PXDN: variants seen among roughly 807,000 people sequenced by gnomAD.
The protein encoded by PXDN is peroxidasin.
A neutral mutation model predicts 140.3 loss-of-function variants in PXDN; 77 were observed. The ratio of observed to expected loss-of-function variants is 0.55; its 90% CI spans 0.46 to 0.66. PXDN has a LOEUF of 0.66. Among genes scored for constraint, PXDN ranks in the 30% least tolerant of loss-of-function variants. The pLI is 0.00. For missense variants in PXDN, 1,838 were observed against 2,039.5 expected (o/e 0.90, Z 1.90); for synonymous variants, 911 against 857.4 (o/e 1.06, Z -1.09).
At chr2:1,739,575 C>T (rs184024832) in intron 1 of PXDN, among the ~76,000 whole-genome samples, 182 of 152,296 alleles carry the variant, frequency 1.2e-3, no homozygotes, top group African/African-American at 4.2e-3. Flanking sequence ...CATGTAGTCA[C>T]ATACTAGTTT....
At chr2:1,726,228 C>T (rs1194240659) in intron 1 of PXDN, among the ~76,000 whole-genome samples, 1 of 150,766 alleles carries the variant, frequency 6.6e-6, no homozygotes, top group African/African-American at 2.4e-5. Context: ...CACATATACA[C>T]CATGGAATAC....
chr2:1,648,908 C>T lies in PXDN; in HGVS notation c.2872G>A (p.Glu958Lys), dbSNP rs1291463710. The T allele has an allele frequency of 6.2e-7, 1 of 1,600,216 alleles. No homozygotes were observed. The highest frequency in any genetic ancestry group is 2.2e-5 in the East Asian group (1 of 44,476). ...LLPFATGPPT[E>K]CMRDENESPI... Reference sequence around the variant, plus strand: ...CTCTCGTTCTCGTCCCGCATGCACTCCGTGGGCGGCCCGGTGGCGAAGGGG... The same window carrying T: ...CTCTCGTTCTCGTCCCGCATGCACTTCGTGGGCGGCCCGGTGGCGAAGGGG... Residue 958 changes from glutamate (E) to lysine (K), a missense_variant, in exon 17 of 23, where the codon GAG (glutamate) becomes AAG (lysine). This residue lies in a region of PXDN where 850 missense variants were observed against 894.1 expected (regional missense o/e 0.95). Transcript: ENST00000252804. The surrounding 1 kb of genome is among the most constrained non-coding windows in gnomAD (Gnocchi z 8.9).
intron 13 of PXDN, 31 bp from the exon 14 acceptor site, chr2:1,661,068 G>A (rs775074199): frequency 3.7e-6 from 6 of 1,612,404 alleles, no homozygotes; most frequent in Admixed American, 1.7e-5. Flanking sequence ...AACAGTATTA[G>A]AAATAAGACT....
chr2:1,640,545 C>T (rs1048240334), intron 19 of PXDN, among the ~76,000 whole-genome samples: 8 of 152,202 alleles, frequency 5.3e-5, no homozygotes, highest in African/African-American at 1.7e-4. Flanking sequence ...CACAAACAGT[C>T]CCACTGAATG....
At chr2:1,717,202 C>T (rs1420631396) in intron 1 of PXDN, among the ~76,000 whole-genome samples, 1 of 152,208 alleles carries the variant, frequency 6.6e-6, no homozygotes, top group Non-Finnish European at 1.5e-5. Context: ...TGAGGCCACT[C>T]CTGAGAAAAA....
intron 3 of PXDN, among the ~76,000 whole-genome samples, chr2:1,690,706 T>C (rs1364038941): frequency 1.3e-5 from 2 of 150,598 alleles, no homozygotes; most frequent in East Asian, 1.9e-4. Flanking sequence ...TGCCTCTCAT[T>C]TTAGAAATAG....
intron 16 of PXDN, among the ~76,000 whole-genome samples, chr2:1,652,322 C>A (rs2125414085): frequency 1.3e-5 from 2 of 152,200 alleles, no homozygotes; most frequent in Middle Eastern, 6.8e-3. Flanking sequence ...ACTCCCTCTT[C>A]ATTCTCTGGA....
chr2:1,666,345 G>A lies in PXDN; in HGVS notation c.1160C>T (p.Pro387Leu), dbSNP rs201256803. The A allele has an allele frequency of 2.3e-5, 37 of 1,613,948 alleles. No homozygotes were observed. The African/African-American group carries it at 3.2e-4, about 14-fold the overall frequency. Residue 387 changes from proline (P) to leucine (L), a missense_variant, in exon 10 of 23, where the codon CCG (proline) becomes CTG (leucine). Pro to Leu is a moderately conservative substitution (Grantham distance 98). This residue lies in a region of PXDN where 208 missense variants were observed against 325.8 expected (regional missense o/e 0.64). Transcript: ENST00000252804. ...RGDRTPLPVD[P>L]RVNITPSGGL... ...GCCAGAAGGCGTGATGTTCACCCGC[G>A]GGTCAACTGGCAAGGGTGTGCGGTC...
intron 19 of PXDN, among the ~76,000 whole-genome samples, chr2:1,641,155 A>AT (rs1007788263): frequency 3.3e-5 from 5 of 152,066 alleles, no homozygotes; most frequent in African/African-American, 4.8e-5. Context: ...GTGTCTTTTT[A>AT]TTTTTTTATT....
chr2:1,744,559 G>A, upstream of PXDN: 1 of 992,918 alleles, frequency 1.0e-6, no homozygotes, highest in Non-Finnish European at 1.3e-6. Context: ...CGCGGGGGGC[G>A]GGGGGCGCCA....
intron 1 of PXDN, among the ~76,000 whole-genome samples, chr2:1,743,746 G>A (rs1479621732): frequency 1.7e-5 from 2 of 119,460 alleles, no homozygotes; most frequent in African/African-American, 6.1e-5. Flanking sequence ...GCGGAGGAGG[G>A]GAGCGAACAG....
chr2:1,739,560 G>A (rs948171445), intron 1 of PXDN, among the ~76,000 whole-genome samples: 3 of 152,162 alleles, frequency 2.0e-5, no homozygotes, highest in South Asian at 2.1e-4. Context: ...CAGACACGTG[G>A]CACTCATGTA....
intron 1 of PXDN, among the ~76,000 whole-genome samples, chr2:1,718,759 C>T (rs1684949683): frequency 6.6e-6 from 1 of 152,250 alleles, no homozygotes; most frequent in Non-Finnish European, 1.5e-5. Flanking sequence ...TCTAGGCATC[C>T]TTTCTCTGGT....
chr2:1,696,559 T>C lies in PXDN; in HGVS notation c.201-3425A>G, dbSNP rs565916356. Among the ~76,000 whole-genome samples the C allele has an allele frequency of 3.3e-5, 5 of 152,274 alleles. No individual in the cohort carries two copies. In the South Asian group the frequency reaches 1.0e-3, roughly 32 times the overall value. On this transcript the variant is annotated intron_variant, in intron 1 of 22. Coordinates refer to ENST00000252804, the MANE Select transcript of PXDN (RefSeq NM_012293.3). ...TGAATACTGCAGAGGGGAGAGGACT[T>C]GGGAGCTACTCAACATTAGAAATGA...
rs374868058 is a variant in PXDN, at chr2:1,648,530, G to C, written c.3250C>G (p.Leu1084Val). 1.2e-6 allele frequency: 2 copies of C among 1,613,374 alleles called. No individual in the cohort carries two copies. Among genetic ancestry groups the C allele is most frequent in the African/African-American group, 1.3e-5 (1 of 74,948 alleles). ...GCAATGGGCTGGAAGTTCTCGTCCAGCCGGTAAAGCAGTGGGTTGACAAGC... is the reference window on the plus strand; with the variant it reads ...GCAATGGGCTGGAAGTTCTCGTCCACCCGGTAAAGCAGTGGGTTGACAAGC... ...HTLVNPLLYR[L>V]DENFQPIAQD... is the part of the protein sequence containing the mutation. Residue 1084 changes from leucine to valine, a missense_variant, in exon 17 of 23, where the codon CTG becomes GTG. Around this residue, in one of 5 missense-constraint regions of PXDN, gnomAD observed 850 missense variants for 894.1 expected, o/e 0.95. Transcript: ENST00000252804. This position sits in a 1 kb window ranked among gnomAD's most constrained non-coding sequence, Gnocchi z 8.9.
At chr2:1,711,155 C>T (rs866999868) in intron 1 of PXDN, among the ~76,000 whole-genome samples, 8 of 119,804 alleles carry the variant, frequency 6.7e-5, no homozygotes, top group Admixed American at 2.4e-4. Context: ...CACCAGCACC[C>T]GCTCCACCAG....
chr2:1,634,345 C>G, intron 22 of PXDN, 22 bp from the exon 23 acceptor site: 3 of 1,555,432 alleles, frequency 1.9e-6, no homozygotes, highest in Non-Finnish European at 2.6e-6. Context: ...AGACGGAGCA[C>G]AGCCTGTCAG....
intron 16 of PXDN, among the ~76,000 whole-genome samples, chr2:1,650,937 T>C (rs1415276783): frequency 6.6e-6 from 1 of 151,946 alleles, no homozygotes; most frequent in African/African-American, 2.4e-5. Flanking sequence ...GCGGTGTCCA[T>C]AACACCCACA....
At chr2:1,693,773 T>C (rs549777271) in intron 1 of PXDN, among the ~76,000 whole-genome samples, 7 of 152,224 alleles carry the variant, frequency 4.6e-5, no homozygotes, top group African/African-American at 7.2e-5. Flanking sequence ...AGGATCCGAA[T>C]AGCCCATGAG....
Sources: allele counts gnomAD v4.1 joint callset (sites outside exome capture counted in the v4.1 genomes callset), GRCh38; gene constraint gnomAD v4.1.1; regional missense constraint gnomAD v4.1.1; non-coding constraint Gnocchi (gnomAD v3.1); transcripts MANE v1.5; gene names NCBI Gene and HGNC (gene_info 2026-07-23, HGNC 2026-07-21).